SDK1: variants seen among roughly 807,000 people sequenced by gnomAD.
SDK1 encodes the protein sidekick cell adhesion molecule 1, also known as protein sidekick-1.
A neutral mutation model predicts 245.5 loss-of-function variants in SDK1; 157 were observed. The ratio of observed to expected loss-of-function variants is 0.64; its 90% CI spans 0.56 to 0.73. The LOEUF (loss-of-function observed/expected upper bound fraction) is 0.73, where lower values mean the gene tolerates loss of function less well. Among genes scored for constraint, SDK1 ranks in the 30% least tolerant of loss-of-function variants. The pLI is 0.00. For missense variants in SDK1, 3,583 were observed against 3,002.3 expected (o/e 1.19, Z -4.52); for synonymous variants, 1,647 against 1,278.5 (o/e 1.29, Z -6.15).
At chr7:3,478,592 C>A (rs1161747474) in intron 1 of SDK1, among the ~76,000 whole-genome samples, 3 of 151,654 alleles carry the variant, frequency 2.0e-5, no homozygotes, top group African/African-American at 7.3e-5. Flanking sequence ...TTTGTGTGGG[C>A]CTTTTTCTTT....
chr7:3,718,377 G>A (rs528773734), intron 4 of SDK1, among the ~76,000 whole-genome samples: 292 of 151,800 alleles, frequency 1.9e-3, no homozygotes, highest in Non-Finnish European at 3.2e-3. Flanking sequence ...TGTGGTGCCA[G>A]GTGCCTGTAG....
chr7:4,143,466 G>A (rs1054989242), intron 28 of SDK1, among the ~76,000 whole-genome samples: 6 of 152,090 alleles, frequency 3.9e-5, no homozygotes, highest in East Asian at 1.9e-4. Context: ...CTGGCACCCC[G>A]TGAGGTGTCC....
intron 4 of SDK1, among the ~76,000 whole-genome samples, chr7:3,721,508 C>G (rs1031038007): frequency 6.6e-6 from 1 of 152,172 alleles, no homozygotes; most frequent in Non-Finnish European, 1.5e-5. Context: ...CACAGTACAG[C>G]GTAGGCTTCT....
intron 5 of SDK1, among the ~76,000 whole-genome samples, chr7:3,888,241 C>T (rs6959492): frequency 0.21 from 31,392 of 152,120 alleles, 3,366 homozygotes; most frequent in Middle Eastern, 0.33. Flanking sequence ...GTGAAAACTG[C>T]GGAAATAATT....
chr7:3,941,610 A>G lies in SDK1; in HGVS notation c.848-9313A>G, dbSNP rs145320679. On this transcript the variant is annotated intron_variant, in intron 5 of 44. Transcript: ENST00000404826. ...ATCTTCCCTGCTCAAACCTTTCCCA[A>G]TTTCTCCTGGAAGAACTGACCTCAA... is the stretch of plus-strand genomic sequence containing the variant. Among the ~76,000 whole-genome samples, 43 of 151,686 alleles carry G rather than the reference A, an allele frequency of 2.8e-4. No individual in the cohort carries two copies. In the East Asian group the frequency reaches 6.0e-3, roughly 21 times the overall value.
rs762456684 is a variant in SDK1 at position 3,339,971 on chromosome 7, A to G, written c.298+38087A>G. Reference sequence around the variant, plus strand: ...GCAAGACTGACACAGATAAAAAGGAATAAGACCCAAATCAGTGAACAGGAA... The same window carrying G: ...GCAAGACTGACACAGATAAAAAGGAGTAAGACCCAAATCAGTGAACAGGAA... On this transcript the variant is annotated intron_variant, in intron 1 of 44. Transcript: ENST00000404826. 3.4e-4 allele frequency among the ~76,000 whole-genome samples: 51 copies of G among 152,136 alleles called. 1 individual carries two copies. Among genetic ancestry groups the G allele is most frequent in the Non-Finnish European group, 3.1e-4 (21 of 68,010 alleles).
chr7:3,673,985 G>A (rs1271067324), intron 4 of SDK1, among the ~76,000 whole-genome samples: 1 of 152,058 alleles, frequency 6.6e-6, no homozygotes, highest in African/African-American at 2.4e-5. Flanking sequence ...TAACTTTTTG[G>A]TAGGTGACAG....
At position 4,026,146 on chromosome 7, in the gene SDK1, G is replaced by A. The variant is rs929916241; in HGVS notation, c.2602+8794G>A. Among the ~76,000 whole-genome samples, 6 of 152,240 alleles carry A rather than the reference G, an allele frequency of 3.9e-5. No individual in the cohort carries two copies. The highest frequency in any genetic ancestry group is 1.4e-4 in the African/African-American group (6 of 41,474). On this transcript the variant is annotated intron_variant, in intron 17 of 44. Coordinates refer to ENST00000404826, the MANE Select transcript of SDK1 (RefSeq NM_152744.4). This position sits in a 1 kb window ranked among gnomAD's most constrained non-coding sequence, Gnocchi z 4.1. The stretch of plus-strand genomic sequence containing the variant: ...CCATGCTGTATGGAAAAGGCCCCTT[G>A]CCCCACGGCTGGAGAGGGGAGCTGG...
At chr7:3,436,790 T>A (rs1780034034) in intron 1 of SDK1, among the ~76,000 whole-genome samples, 1 of 152,184 alleles carries the variant, frequency 6.6e-6, no homozygotes, top group Non-Finnish European at 1.5e-5. Context: ...TTCCCTGAAA[T>A]CTGTAGTCTA....
intron 1 of SDK1, among the ~76,000 whole-genome samples, chr7:3,477,093 T>G (rs1428008506): frequency 6.6e-6 from 1 of 152,158 alleles, no homozygotes; most frequent in Non-Finnish European, 1.5e-5. Context: ...TGGAATTACA[T>G]GAGCCATTAA....
chr7:3,695,517 ATCATAGGTGTTT>A (rs1784545262), intron 4 of SDK1, among the ~76,000 whole-genome samples: 1 of 152,216 alleles, frequency 6.6e-6, no homozygotes, highest in Non-Finnish European at 1.5e-5. Flanking sequence ...TTCAGATTAT[ATCATAGGTGTTT>A]TCATTTATCA....
At chr7:3,474,071 T>A (rs1221193179) in intron 1 of SDK1, among the ~76,000 whole-genome samples, 3 of 146,748 alleles carry the variant, frequency 2.0e-5, no homozygotes, top group South Asian at 4.4e-4. Flanking sequence ...CCTGTCAACT[T>A]GACATCTCTA....
At chr7:4,250,821 G>T (rs1227521232) in intron 44 of SDK1, among the ~76,000 whole-genome samples, 4 of 152,108 alleles carry the variant, frequency 2.6e-5, no homozygotes, top group South Asian at 4.1e-4. Flanking sequence ...CATATAATTT[G>T]CCCATTTAGA....
Position 4,042,968 on chromosome 7 carries a change from T to A in SDK1, c.2603-6380T>A, listed in dbSNP as rs557502577. 7.2e-5 allele frequency among the ~76,000 whole-genome samples: 11 copies of A among 152,312 alleles called. No homozygotes were observed. In the South Asian group the frequency reaches 1.4e-3, roughly 20 times the overall value. ...TGGGAATAAAAGCAAGGTTGGCGAT[T>A]TTTTGAATTAAACCTAGGGTATTGA... On this transcript the variant is annotated intron_variant, in intron 17 of 44. Coordinates refer to ENST00000404826, the MANE Select transcript of SDK1 (RefSeq NM_152744.4).
intron 4 of SDK1, among the ~76,000 whole-genome samples, chr7:3,681,728 T>A (rs1303020704): frequency 6.6e-6 from 1 of 152,188 alleles, no homozygotes; most frequent in Non-Finnish European, 1.5e-5. Flanking sequence ...ACATAATAAT[T>A]ACTTGTTGAA....
At chr7:3,376,216 T>C (rs771134076) in intron 1 of SDK1, among the ~76,000 whole-genome samples, 6 of 152,004 alleles carry the variant, frequency 3.9e-5, no homozygotes, top group African/African-American at 7.2e-5. Flanking sequence ...AAAGAAAATC[T>C]CAGATGGATC....
rs79573950 is a variant in SDK1 at position 3,834,160 on chromosome 7, G to A, written c.847+12577G>A. On this transcript the variant is annotated intron_variant, in intron 5 of 44. Transcript: ENST00000404826. ...ATTTTCTTTGGCTTTTAGAGTCTCT[G>A]TCTCACTTCTGTCCCTAAGTGTATG... 2.6e-5 allele frequency among the ~76,000 whole-genome samples: 4 copies of A among 152,302 alleles called. No homozygotes were observed. The East Asian group carries it at 7.7e-4, about 29-fold the overall frequency.
At chr7:3,896,127 G>A (rs373282421) in intron 5 of SDK1, among the ~76,000 whole-genome samples, 1 of 152,086 alleles carries the variant, frequency 6.6e-6, no homozygotes, top group African/African-American at 2.4e-5. Flanking sequence ...TCTGTTTACT[G>A]ATTTTCTAAG....
intron 1 of SDK1, among the ~76,000 whole-genome samples, chr7:3,540,720 A>G (rs959744296): frequency 6.6e-6 from 1 of 152,192 alleles, no homozygotes; most frequent in Non-Finnish European, 1.5e-5. Flanking sequence ...ACTTGGACCA[A>G]ACTTGCTTTT....
Sources: allele counts gnomAD v4.1 joint callset (sites outside exome capture counted in the v4.1 genomes callset), GRCh38; gene constraint gnomAD v4.1.1; non-coding constraint Gnocchi (gnomAD v3.1); transcripts MANE v1.5; gene names NCBI Gene and HGNC (gene_info 2026-07-23, HGNC 2026-07-21).